EPHA6: variants seen among roughly 807,000 people sequenced by gnomAD.
The protein encoded by EPHA6 is ephrin type-A receptor 6.
In EPHA6, 50 loss-of-function variants were observed where a neutral mutation model predicts 112.0. The ratio of observed to expected loss-of-function variants is 0.45; its 90% CI spans 0.36 to 0.56. The LOEUF is 0.56. Among genes scored for constraint, EPHA6 ranks in the 20% least tolerant of loss-of-function variants. The probability of loss-of-function intolerance (pLI) is 0.00; values close to 1 mark genes in which losing one functional copy is unlikely to be tolerated. For missense variants in EPHA6, 1,280 were observed against 1,417.4 expected, an observed-to-expected ratio of 0.90 and a Z score of 1.56; for synonymous variants, 529 against 490.7, an observed-to-expected ratio of 1.08 and a Z score of -1.03.
At chr3:96,860,647 C>T (rs925798042) in intron 1 of EPHA6, among the ~76,000 whole-genome samples, 2 of 152,052 alleles carry the variant, frequency 1.3e-5, no homozygotes, top group Non-Finnish European at 2.9e-5. Context: ...GCTGTGTAAG[C>T]AATGGGGAAC....
intron 5 of EPHA6, among the ~76,000 whole-genome samples, chr3:97,328,372 C>T (rs1240281453): frequency 6.6e-6 from 1 of 151,780 alleles, no homozygotes; most frequent in African/African-American, 2.4e-5. Flanking sequence ...TTGGTATCAT[C>T]ACTGTTTTTT....
chr3:97,369,974 T>A (rs2084956237), intron 5 of EPHA6, among the ~76,000 whole-genome samples: 2 of 152,186 alleles, frequency 1.3e-5, no homozygotes, highest in Admixed American at 6.6e-5. Flanking sequence ...TTTTAGTCCC[T>A]ACAGAATAAG....
intron 14 of EPHA6, among the ~76,000 whole-genome samples, chr3:97,692,720 T>C (rs1002544676): frequency 1.3e-5 from 2 of 152,236 alleles, no homozygotes. Context: ...TTCTGAAACA[T>C]TATGTTTTTC....
intron 3 of EPHA6, among the ~76,000 whole-genome samples, chr3:96,990,027 T>A (rs191693621): frequency 3.9e-5 from 6 of 152,314 alleles, no homozygotes; most frequent in Non-Finnish European, 5.9e-5. Flanking sequence ...ATGTAATATG[T>A]GTAATAATCA....
intron 10 of EPHA6, among the ~76,000 whole-genome samples, chr3:97,495,505 A>G (rs1047944086): frequency 1.7e-4 from 26 of 152,044 alleles, no homozygotes; most frequent in African/African-American, 5.3e-4. Context: ...TTACATCTCT[A>G]TACAAACATT....
chr3:97,247,958 T>C (rs544213729), intron 5 of EPHA6, among the ~76,000 whole-genome samples: 1 of 152,138 alleles, frequency 6.6e-6, no homozygotes, highest in Admixed American at 6.5e-5. Flanking sequence ...ATGAAATAAA[T>C]TGGCATTGGT....
intron 3 of EPHA6, among the ~76,000 whole-genome samples, chr3:97,167,153 A>G (rs905676194): frequency 5.3e-5 from 8 of 152,174 alleles, no homozygotes; most frequent in Non-Finnish European, 7.4e-5. Context: ...TTAAAGCAAT[A>G]CAGTATATTA....
intron 5 of EPHA6, among the ~76,000 whole-genome samples, chr3:97,263,058 T>C (rs1364238414): frequency 2.0e-5 from 3 of 152,238 alleles, no homozygotes; most frequent in East Asian, 1.9e-4. Context: ...CAAATATCTC[T>C]TTGGACATTT....
chr3:97,339,209 T>G (rs1559900531), intron 5 of EPHA6, among the ~76,000 whole-genome samples: 1 of 152,084 alleles, frequency 6.6e-6, no homozygotes, highest in African/African-American at 2.4e-5. Context: ...TGGAGAGAGA[T>G]AGAGGGTGCA....
intron 7 of EPHA6, among the ~76,000 whole-genome samples, chr3:97,455,242 A>G (rs545224660): frequency 6.6e-6 from 1 of 152,184 alleles, no homozygotes; most frequent in East Asian, 1.9e-4. Flanking sequence ...TTTCATAACA[A>G]CATATTTGTG....
In EPHA6 at chr3:97,650,776, G is replaced by C. The variant is rs1267240600; in HGVS notation, c.2784+12694G>C. Among the ~76,000 whole-genome samples the C allele has an allele frequency of 3.4e-5, 5 of 146,572 alleles. No individual in the cohort carries two copies. The East Asian group carries it at 1.0e-3, about 31-fold the overall frequency. ...AGAGGCTGAGGCAGGAGAATTGCTT[G>C]AACCTGGGAGGCAGAGGTTGCAGTG... On this transcript the variant is annotated intron_variant, in intron 14 of 17. Coordinates refer to ENST00000389672, the MANE Select transcript of EPHA6 (RefSeq NM_001080448.3).
At chr3:97,303,529 G>A (rs894412455) in intron 5 of EPHA6, among the ~76,000 whole-genome samples, 2 of 152,028 alleles carry the variant, frequency 1.3e-5, no homozygotes, top group African/African-American at 4.8e-5. Flanking sequence ...ACGACAGGCT[G>A]TCTACAAGCT....
At chr3:96,888,551 G>A (rs573853962) in intron 2 of EPHA6, among the ~76,000 whole-genome samples, 6 of 152,222 alleles carry the variant, frequency 3.9e-5, no homozygotes, top group East Asian at 1.9e-4. Flanking sequence ...GCCAAGGCTC[G>A]GTGCTTGCAT....
At chr3:97,143,500 A>C (rs990891283) in intron 3 of EPHA6, among the ~76,000 whole-genome samples, 8 of 151,714 alleles carry the variant, frequency 5.3e-5, no homozygotes, top group African/African-American at 1.7e-4. Flanking sequence ...GATCCAGCAA[A>C]AGTAGGAGGT....
rs907885616 is a variant in EPHA6, at chr3:96,847,448, A to G, written c.386-19377A>G. On this transcript the variant is annotated intron_variant, in intron 1 of 17. Coordinates refer to ENST00000389672, the MANE Select transcript of EPHA6 (RefSeq NM_001080448.3). ...CAAAGAGAACTCTAAGGAATCCCCTACATTCAAGCCATATTTTAATGTTTC... is the reference window on the plus strand; with the variant it reads ...CAAAGAGAACTCTAAGGAATCCCCTGCATTCAAGCCATATTTTAATGTTTC... Among the ~76,000 whole-genome samples, 5 of 152,082 alleles carry G rather than the reference A, an allele frequency of 3.3e-5. No individual in the cohort carries two copies. The East Asian group carries it at 7.7e-4, about 24-fold the overall frequency.
At chr3:97,192,389 T>A (rs1001718731) in intron 3 of EPHA6, among the ~76,000 whole-genome samples, 1 of 152,134 alleles carries the variant, frequency 6.6e-6, no homozygotes, top group African/African-American at 2.4e-5. Flanking sequence ...TGCCTCGGCC[T>A]GCAAAGTGCT....
At chr3:97,423,311 T>C (rs1363184210) in intron 6 of EPHA6, among the ~76,000 whole-genome samples, 1 of 152,184 alleles carries the variant, frequency 6.6e-6, no homozygotes, top group Non-Finnish European at 1.5e-5. Context: ...CAACTTTCAG[T>C]ATACAAAATC....
chr3:97,259,978 T>C (rs2079444855), intron 5 of EPHA6, among the ~76,000 whole-genome samples: 1 of 151,994 alleles, frequency 6.6e-6, no homozygotes, highest in African/African-American at 2.4e-5. Flanking sequence ...TTTTTGTATT[T>C]TCAGTAGAGA....
At chr3:97,005,216 A>G (rs1268747327) in intron 3 of EPHA6, among the ~76,000 whole-genome samples, 1 of 152,092 alleles carries the variant, frequency 6.6e-6, no homozygotes, top group Non-Finnish European at 1.5e-5. Context: ...CAGTATGGCC[A>G]TTTTCACATT....
Sources: gnomAD v4.1 joint callset for allele counts (sites outside exome capture counted in the v4.1 genomes callset) on GRCh38, gnomAD v4.1.1 for gene constraint, MANE v1.5 for transcripts, NCBI Gene and HGNC (gene_info 2026-07-23, HGNC 2026-07-21) for gene names.